The following CCDC148 variants were observed in gnomAD, a reference collection of about 807,000 sequenced individuals.
The protein encoded by CCDC148 is coiled-coil domain-containing protein 148.
A neutral mutation model predicts 85.7 loss-of-function variants in CCDC148; 89 were observed. The observed-to-expected ratio is 1.04, with a 90% CI of 0.87 to 1.24. The LOEUF (loss-of-function observed/expected upper bound fraction) is 1.24, where lower values mean the gene tolerates loss of function less well. Among genes scored for constraint, CCDC148 ranks in the 50% most tolerant of loss-of-function variants. The pLI, the probability that CCDC148 is intolerant of heterozygous loss-of-function variation, is 0.00. For missense variants in CCDC148, 692 were observed against 671.7 expected, an observed-to-expected ratio of 1.03 and a Z score of -0.33; for synonymous variants, 230 against 213.9, an observed-to-expected ratio of 1.08 and a Z score of -0.66.
At chr2:158,406,869 C>T (rs1363051385) in intron 1 of CCDC148, among the ~76,000 whole-genome samples, 1 of 151,952 alleles carries the variant, frequency 6.6e-6, no homozygotes, top group Non-Finnish European at 1.5e-5. Flanking sequence ...GTGAGTCTCC[C>T]ACCTCTGCCT....
chr2:158,230,268 T>C (rs2105312097), intron 10 of CCDC148, among the ~76,000 whole-genome samples: 1 of 152,350 alleles, frequency 6.6e-6, no homozygotes, highest in South Asian at 2.1e-4. Context: ...TATCACATGC[T>C]GTATTAACCT....
intron 1 of CCDC148, among the ~76,000 whole-genome samples, chr2:158,452,178 A>G (rs1328175278): frequency 6.6e-6 from 1 of 152,176 alleles, no homozygotes; most frequent in African/African-American, 2.4e-5. Flanking sequence ...GGCAATTAGA[A>G]TTTTTGACCT....
rs778630985 is a variant in CCDC148, at chr2:158,284,882, GA to G, written c.1110+24550del. On this transcript the variant is annotated intron_variant, in intron 9 of 13. Coordinates refer to ENST00000283233, the MANE Select transcript of CCDC148 (RefSeq NM_138803.4). The stretch of plus-strand genomic sequence containing the variant: ...CACTGCTTACTGTGTTCATGGAGAT[GA>G]AAGCTGAGCTTAAAATTTTAAGCAA... 5.9e-5 allele frequency among the ~76,000 whole-genome samples: 9 copies of G among 152,306 alleles called. No individual in the cohort carries two copies. The South Asian group carries it at 1.7e-3, about 28-fold the overall frequency.
intron 1 of CCDC148, among the ~76,000 whole-genome samples, chr2:158,385,864 T>A (rs1685065214): frequency 6.6e-6 from 1 of 152,020 alleles, no homozygotes; most frequent in Non-Finnish European, 1.5e-5. Context: ...CTGTCTATGG[T>A]AACATCTAGG....
chr2:158,372,860 C>G (rs1205307348), intron 1 of CCDC148, among the ~76,000 whole-genome samples: 1 of 152,038 alleles, frequency 6.6e-6, no homozygotes, highest in African/African-American at 2.4e-5. Context: ...CTTATTTGTA[C>G]TTTACCCTTG....
chr2:158,195,586 C>CAGAG (rs1685632798), intron 11 of CCDC148, among the ~76,000 whole-genome samples: 1 of 152,220 alleles, frequency 6.6e-6, no homozygotes, highest in Non-Finnish European at 1.5e-5. Flanking sequence ...GACCCATTGT[C>CAGAG]CCTAGCTCAG....
chr2:158,369,394 T>C (rs1209932807), intron 1 of CCDC148, among the ~76,000 whole-genome samples: 1 of 152,156 alleles, frequency 6.6e-6, no homozygotes, highest in Non-Finnish European at 1.5e-5. Context: ...TTCACTTCCA[T>C]GGTTAGCTGT....
intron 11 of CCDC148, among the ~76,000 whole-genome samples, chr2:158,194,853 T>C (rs951288569): frequency 2.6e-5 from 4 of 151,442 alleles, no homozygotes; most frequent in Non-Finnish European, 1.5e-5. Context: ...CTCCTCTGAC[T>C]ATTATGTTAT....
At chr2:158,442,332 GAAT>G (rs1687969779) in intron 1 of CCDC148, among the ~76,000 whole-genome samples, 2 of 152,038 alleles carry the variant, frequency 1.3e-5, no homozygotes, top group Non-Finnish European at 1.5e-5. Context: ...TTTTCAACTG[GAAT>G]AATATTATAA....
intron 9 of CCDC148, among the ~76,000 whole-genome samples, chr2:158,297,727 A>G (rs896599181): frequency 6.6e-6 from 1 of 152,190 alleles, no homozygotes; most frequent in African/African-American, 2.4e-5. Flanking sequence ...GTTTCCAGAA[A>G]TAACATCCAG....
chr2:158,304,099 C>A (rs1691571936), intron 9 of CCDC148, among the ~76,000 whole-genome samples: 1 of 152,120 alleles, frequency 6.6e-6, no homozygotes, highest in Admixed American at 6.6e-5. Flanking sequence ...TCCGTGGTAA[C>A]TTTAAGTCAC....
At chr2:158,393,572 G>C (rs144006609) in intron 1 of CCDC148, among the ~76,000 whole-genome samples, 80 of 152,268 alleles carry the variant, frequency 5.3e-4, no homozygotes, top group African/African-American at 1.9e-3. Context: ...TGTAGCTACA[G>C]GTTAGGGGGC....
intron 7 of CCDC148, 140 bp from the exon 8 acceptor site, chr2:158,314,034 A>C: frequency 1.4e-6 from 1 of 724,468 alleles, no homozygotes; most frequent in Non-Finnish European, 2.1e-6. Flanking sequence ...AGCCAAATTT[A>C]ATGTCTGTTT....
intron 1 of CCDC148, among the ~76,000 whole-genome samples, chr2:158,443,429 G>A (rs975378857): frequency 6.7e-6 from 1 of 150,218 alleles, no homozygotes; most frequent in Non-Finnish European, 1.5e-5. Flanking sequence ...ATTTGAGCCT[G>A]GGAGATCAAG....
At chr2:158,338,362 A>C (rs1202513817) in intron 7 of CCDC148, among the ~76,000 whole-genome samples, 1 of 152,176 alleles carries the variant, frequency 6.6e-6, no homozygotes, top group African/African-American at 2.4e-5. Context: ...TACAAGTAAC[A>C]TAATTCCATG....
intron 9 of CCDC148, among the ~76,000 whole-genome samples, chr2:158,277,133 T>C (rs1031080342): frequency 2.0e-5 from 3 of 152,204 alleles, no homozygotes; most frequent in Admixed American, 6.5e-5. Context: ...GTATAGAGAC[T>C]ATACCATTAT....
At chr2:158,197,281 T>C (rs917128928) in intron 11 of CCDC148, among the ~76,000 whole-genome samples, 2 of 152,122 alleles carry the variant, frequency 1.3e-5, no homozygotes, top group Non-Finnish European at 2.9e-5. Flanking sequence ...TTAATCAACA[T>C]TTTAATCAAT....
chr2:158,347,760 T>C (rs1683065424), intron 2 of CCDC148, among the ~76,000 whole-genome samples: 1 of 152,108 alleles, frequency 6.6e-6, no homozygotes, highest in Non-Finnish European at 1.5e-5. Context: ...AGAAGATCCA[T>C]CTTTTGAGAC....
chr2:158,417,353 A>G (rs575869522), intron 1 of CCDC148, among the ~76,000 whole-genome samples: 2 of 152,044 alleles, frequency 1.3e-5, no homozygotes, highest in South Asian at 2.1e-4. Context: ...CCTTCATAGA[A>G]CTCCTGCCAG....
Sources: gnomAD v4.1 joint callset for allele counts (sites outside exome capture counted in the v4.1 genomes callset) on GRCh38, gnomAD v4.1.1 for gene constraint, MANE v1.5 for transcripts, NCBI Gene and HGNC (gene_info 2026-07-23, HGNC 2026-07-21) for gene names.